Variants in ABHD17B observed in about 807,000 individuals in gnomAD.
The protein encoded by ABHD17B is alpha/beta hydrolase domain-containing protein 17B.
In ABHD17B, 9 loss-of-function variants were observed where a neutral mutation model predicts 26.2. The ratio of observed to expected loss-of-function variants is 0.34; its 90% CI spans 0.21 to 0.60. The LOEUF (loss-of-function observed/expected upper bound fraction) is 0.60. Ranked by LOEUF, ABHD17B falls within the 20% of genes least tolerant of loss-of-function variation. ABHD17B has a pLI of 0.80. For missense variants in ABHD17B, 224 were observed against 352.1 expected (o/e 0.64, Z 2.91); for synonymous variants, 127 against 122.3 (o/e 1.04, Z -0.25).
At chr9:71,903,038 G>C (rs560728561) in intron 1 of ABHD17B, among the ~76,000 whole-genome samples, 1 of 152,138 alleles carries the variant, frequency 6.6e-6, no homozygotes, top group South Asian at 2.1e-4. Context: ...ATCTACATTA[G>C]GCATGTGCTA....
Position 71,898,883 on chromosome 9 carries a change from G to A in ABHD17B, c.-4+11751C>T, listed in dbSNP as rs569247942. 1.4e-3 allele frequency among the ~76,000 whole-genome samples: 218 copies of A among 152,276 alleles called. 1 individual carries two copies. In the South Asian group the frequency reaches 0.019, roughly 13 times the overall value. On this transcript the variant is annotated intron_variant, in intron 1 of 3. Transcript: ENST00000333421. Reference sequence around the variant, plus strand: ...CACACCTGTAGTCCCAGCACTTTGCGAGTCTGAGGTGGATGGATCACCTGA... The same window carrying A: ...CACACCTGTAGTCCCAGCACTTTGCAAGTCTGAGGTGGATGGATCACCTGA...
At chr9:71,899,990 G>A (rs1827084887) in intron 1 of ABHD17B, among the ~76,000 whole-genome samples, 1 of 152,144 alleles carries the variant, frequency 6.6e-6, no homozygotes, top group South Asian at 2.1e-4. Flanking sequence ...AACAGTATCA[G>A]ATAGGCAGGA....
Position 71,866,814 on chromosome 9 carries a change from A to G in ABHD17B, c.840T>C (p.Phe280=). 6.2e-7 allele frequency: 1 copy of G among 1,614,190 alleles called. No homozygotes were observed. The highest frequency in any genetic ancestry group is 8.5e-7 in the Non-Finnish European group (1 of 1,180,034). The stretch of plus-strand genomic sequence containing the variant: ...ACAAATTTACCAGTTCCTGTGACAC[A>G]AACTGTTTCAACCTTTCAAGATACT... ...YGQYLERLKQ[F]VSQELVNL is the part of the protein sequence containing the mutation. Residue 280 remains phenylalanine (F), a synonymous_variant, in exon 4 of 4, where the codon TTT becomes TTC. Transcript: ENST00000333421.
chr9:71,874,378 T>C (rs1304859791), intron 2 of ABHD17B, among the ~76,000 whole-genome samples: 2 of 152,168 alleles, frequency 1.3e-5, no homozygotes, highest in Non-Finnish European at 2.9e-5. Flanking sequence ...AAAACATACA[T>C]ATATACGTGT....
At chr9:71,876,183 T>G (rs1826270673) in intron 1 of ABHD17B, among the ~76,000 whole-genome samples, 1 of 152,208 alleles carries the variant, frequency 6.6e-6, no homozygotes, top group South Asian at 2.1e-4. Flanking sequence ...GGTAAACTTT[T>G]CTAAATGTTT....
At chr9:71,865,106 T>A, downstream of ABHD17B, 11 of 964,318 alleles carry the variant, frequency 1.1e-5, no homozygotes, top group Non-Finnish European at 1.4e-5. Flanking sequence ...TTTCACTCTT[T>A]CTAGTGTGGG....
intron 2 of ABHD17B, among the ~76,000 whole-genome samples, chr9:71,873,847 A>G (rs1826183726): frequency 6.6e-6 from 1 of 152,196 alleles, no homozygotes; most frequent in Admixed American, 6.5e-5. Context: ...AAATTTTTTT[A>G]AACTTGATAT....
At chr9:71,903,069 C>T (rs376919157) in intron 1 of ABHD17B, among the ~76,000 whole-genome samples, 2 of 152,082 alleles carry the variant, frequency 1.3e-5, no homozygotes, top group East Asian at 3.8e-4. Context: ...AAATCCTACC[C>T]TTTTAATGTG....
chr9:71,868,655 A>T (rs1479585118), intron 3 of ABHD17B, among the ~76,000 whole-genome samples: 2 of 152,202 alleles, frequency 1.3e-5, no homozygotes, highest in Non-Finnish European at 2.9e-5. Flanking sequence ...AACTTGAATA[A>T]AAAATAAAAA....
chr9:71,878,433 G>C (rs1826343205), intron 1 of ABHD17B, among the ~76,000 whole-genome samples: 1 of 152,022 alleles, frequency 6.6e-6, no homozygotes, highest in South Asian at 2.1e-4. Flanking sequence ...GAATTTCTCA[G>C]AATTAAAGGG....
chr9:71,888,266 G>C (rs983959866), intron 1 of ABHD17B, among the ~76,000 whole-genome samples: 20 of 152,182 alleles, frequency 1.3e-4, no homozygotes, highest in African/African-American at 4.3e-4. Context: ...GCTTTTAAAA[G>C]TCACACCTTT....
At position 71,874,903 on chromosome 9, in the gene ABHD17B, A is replaced by G. The variant is rs1826220097; in HGVS notation, c.178T>C (p.Ser60Pro). The G allele has an allele frequency of 6.2e-6, 10 of 1,614,080 alleles. No homozygotes were observed. Among genetic ancestry groups the G allele is most frequent in the Non-Finnish European group, 8.5e-6 (10 of 1,180,032 alleles). Residue 60 changes from serine to proline, a missense_variant, in exon 2 of 4, where the codon TCT (serine) becomes CCT (proline). Ser to Pro is a moderately conservative substitution (Grantham distance 74). Transcript: ENST00000333421. ...LSERADWQYSSREKDAIECFM... is the reference protein window; with the variant it reads ...LSERADWQYSPREKDAIECFM... Reference sequence around the variant, plus strand: ...CACTCAATAGCATCTTTTTCTCTAGAAGAATACTGCCAGTCTGCTCGTTCA... The same window carrying G: ...CACTCAATAGCATCTTTTTCTCTAGGAGAATACTGCCAGTCTGCTCGTTCA...
chr9:71,866,615 T>G lies in ABHD17B; in HGVS notation c.*172A>C. ...GACTGCACGGTACTGTTATTTCCAG[T>G]TTTTAGTTCTGGTAATTAAAACCTT... On this transcript the variant is annotated 3_prime_UTR_variant, in exon 4 of 4. Transcript: ENST00000333421. 2 of 1,433,940 alleles carry G rather than the reference T, an allele frequency of 1.4e-6. No individual in the cohort carries two copies. Among genetic ancestry groups the G allele is most frequent in the South Asian group, 3.1e-5 (2 of 65,196 alleles). 88.8% of individuals were successfully genotyped at this position (1,433,940 alleles called of 1,614,324 possible).
Position 71,874,904 on chromosome 9 carries a change from A to G in ABHD17B, c.177T>C (p.Ser59=). ...HLSERADWQY[S]SREKDAIECF... Reference sequence around the variant, plus strand: ...ACTCAATAGCATCTTTTTCTCTAGAAGAATACTGCCAGTCTGCTCGTTCAG... The same window carrying G: ...ACTCAATAGCATCTTTTTCTCTAGAGGAATACTGCCAGTCTGCTCGTTCAG... The change falls in exon 2 of 4, where the codon TCT becomes TCC. Residue 59 remains serine (S), a synonymous_variant. Coordinates refer to ENST00000333421, the MANE Select transcript of ABHD17B (RefSeq NM_001025780.3). 6.2e-7 allele frequency: 1 copy of G among 1,614,202 alleles called. No homozygotes were observed. The highest frequency in any genetic ancestry group is 1.7e-5 in the Admixed American group (1 of 60,020).
At chr9:71,872,738 GTTTGT>G (rs1187948533) in intron 2 of ABHD17B, among the ~76,000 whole-genome samples, 5 of 151,968 alleles carry the variant, frequency 3.3e-5, no homozygotes, top group South Asian at 4.1e-4. Flanking sequence ...CTCAGTTTCT[GTTTGT>G]TTTAAGGCTT....
chr9:71,907,521 GTTT>G (rs1827320731), intron 1 of ABHD17B, among the ~76,000 whole-genome samples: 1 of 151,820 alleles, frequency 6.6e-6, no homozygotes, highest in African/African-American at 2.4e-5. Flanking sequence ...TTTTGTTTTT[GTTT>G]TTCTGAGACA....
chr9:71,886,444 C>G (rs1247712115), intron 1 of ABHD17B, among the ~76,000 whole-genome samples: 4 of 149,654 alleles, frequency 2.7e-5, no homozygotes, highest in Non-Finnish European at 3.0e-5. Flanking sequence ...AAAAAATCCA[C>G]TAACTCACTA....
In ABHD17B at chr9:71,874,805, G is replaced by A. The variant is rs1177735372; in HGVS notation, c.276C>T (p.Tyr92=). ...MFVRCSPNAK[Y]TLLFSHGNAV... The stretch of plus-strand genomic sequence containing the variant: ...CATTTCCATGTGAGAAGAGTAAAGT[G>A]TATTTCGCATTGGGTGAACAACGTA... Residue 92 remains tyrosine, a synonymous_variant, in exon 2 of 4, where the codon TAC becomes TAT. Transcript: ENST00000333421. The A allele has an allele frequency of 6.2e-7, 1 of 1,614,218 alleles. No homozygotes were observed. Among genetic ancestry groups the A allele is most frequent in the Non-Finnish European group, 8.5e-7 (1 of 1,180,042 alleles).
chr9:71,862,517 T>C, downstream of ABHD17B: 5 of 1,546,174 alleles, frequency 3.2e-6, no homozygotes, highest in Admixed American at 1.0e-4. Flanking sequence ...TCCAGTTAAG[T>C]TTGGTAAAGA....
Sources: gnomAD v4.1 joint callset for allele counts (sites outside exome capture counted in the v4.1 genomes callset) on GRCh38, gnomAD v4.1.1 for gene constraint, MANE v1.5 for transcripts, NCBI Gene and HGNC (gene_info 2026-07-23, HGNC 2026-07-21) for gene names.